CDK14: variants seen among roughly 807,000 people sequenced by gnomAD.
CDK14 encodes the protein cyclin dependent kinase 14.
CDK14 carries 34 observed loss-of-function variants against 60.7 expected under a neutral mutation model. That is an observed-to-expected ratio of 0.56 (90% CI 0.43 to 0.75). The LOEUF is 0.75. CDK14 is among the 30% of genes least tolerant of loss of function. The pLI is 0.00. For missense variants in CDK14, 482 were observed against 564.1 expected (o/e 0.85, Z 1.47); for synonymous variants, 197 against 203.7 (o/e 0.97, Z 0.28).
At chr7:91,176,573 A>C (rs1221556492) in intron 14 of CDK14, among the ~76,000 whole-genome samples, 3 of 152,106 alleles carry the variant, frequency 2.0e-5, no homozygotes, top group African/African-American at 7.2e-5. Flanking sequence ...AAGACTAATA[A>C]AGAAAAAAAG....
intron 12 of CDK14, among the ~76,000 whole-genome samples, chr7:91,109,028 T>A (rs1006840353): frequency 7.2e-5 from 11 of 152,188 alleles, no homozygotes; most frequent in African/African-American, 2.4e-4. Context: ...GTAGCTGAAA[T>A]AATTGTTAAT....
intron 2 of CDK14, among the ~76,000 whole-genome samples, chr7:90,661,395 C>A (rs1800863514): frequency 6.6e-6 from 1 of 152,200 alleles, no homozygotes; most frequent in South Asian, 2.1e-4. Context: ...ACGTGATCTA[C>A]ATAGCCACAC....
rs1377385311 is a variant in CDK14, at chr7:91,175,139, TG to T, written c.*29-32021del. Among the ~76,000 whole-genome samples, 18 of 145,872 alleles carry T rather than the reference TG, an allele frequency of 1.2e-4. No homozygotes were observed. The East Asian group carries it at 3.5e-3, about 28-fold the overall frequency. On this transcript the variant is annotated intron_variant, in intron 14 of 14. Transcript: ENST00000380050. ...AGAAACCCTACAAGCCAGAAGAGAG[TG>T]GGGGCCAATATTCAACATTCTTAAA...
chr7:90,709,598 G>A (rs1409843486), intron 2 of CDK14: 1 of 1,612,666 alleles, frequency 6.2e-7, no homozygotes, highest in Admixed American at 1.7e-5. Context: ...CTGCCTTCGT[G>A]GGAACTCCAC....
chr7:91,162,815 A>G (rs1225936310), intron 14 of CDK14, among the ~76,000 whole-genome samples: 1 of 152,242 alleles, frequency 6.6e-6, no homozygotes, highest in Admixed American at 6.5e-5. Flanking sequence ...TAAGCGATCC[A>G]TAAACTTTAA....
chr7:91,107,394 G>T (rs145026805), intron 12 of CDK14: 1 of 152,298 alleles, frequency 6.6e-6, no homozygotes, highest in African/African-American at 2.4e-5. Flanking sequence ...AATGTTAAAG[G>T]AAATTTAAAA....
At chr7:90,999,566 G>A (rs527919345) in intron 10 of CDK14, among the ~76,000 whole-genome samples, 1 of 152,260 alleles carries the variant, frequency 6.6e-6, no homozygotes, top group East Asian at 1.9e-4. Flanking sequence ...TCCAGCCTGG[G>A]TGACAGAGCG....
chr7:91,166,658 C>T (rs1037429469), intron 14 of CDK14, among the ~76,000 whole-genome samples: 13 of 152,100 alleles, frequency 8.5e-5, no homozygotes, highest in African/African-American at 1.7e-4. Flanking sequence ...TTGGCATTTT[C>T]GCTTTTTATT....
At chr7:90,782,641 C>T (rs956020375) in intron 4 of CDK14, among the ~76,000 whole-genome samples, 47 of 151,958 alleles carry the variant, frequency 3.1e-4, no homozygotes, top group African/African-American at 1.1e-3. Context: ...ATTGTTTATC[C>T]TTCACTCCAC....
At chr7:91,178,222 A>G (rs1380878825) in intron 14 of CDK14, among the ~76,000 whole-genome samples, 1 of 71,974 alleles carries the variant, frequency 1.4e-5, no homozygotes, top group African/African-American at 5.2e-5. Flanking sequence ...AGGATTCCCT[A>G]TTCAATAAAT....
intron 10 of CDK14, among the ~76,000 whole-genome samples, chr7:91,018,492 A>G (rs1796356718): frequency 6.6e-6 from 1 of 152,184 alleles, no homozygotes. Context: ...CAGAGTCTAC[A>G]CATGGTAGAA....
chr7:90,644,581 T>A (rs968625118), intron 2 of CDK14, among the ~76,000 whole-genome samples: 4 of 152,208 alleles, frequency 2.6e-5, no homozygotes, highest in African/African-American at 7.2e-5. Context: ...ACAAATATGT[T>A]TGGGAAACTC....
At chr7:90,805,810 A>G (rs1003078449) in intron 5 of CDK14, among the ~76,000 whole-genome samples, 1 of 152,138 alleles carries the variant, frequency 6.6e-6, no homozygotes, top group Non-Finnish European at 1.5e-5. Context: ...ATTACATTAT[A>G]TGAAAATGTA....
intron 11 of CDK14, among the ~76,000 whole-genome samples, chr7:91,065,196 G>A (rs183956202): frequency 4.6e-5 from 7 of 152,292 alleles, no homozygotes; most frequent in East Asian, 3.9e-4. Context: ...TTAGCCTCAC[G>A]GGTAAAGGAC....
At chr7:90,603,480 A>G (rs1799356786) in intron 1 of CDK14, among the ~76,000 whole-genome samples, 1 of 152,192 alleles carries the variant, frequency 6.6e-6, no homozygotes, top group African/African-American at 2.4e-5. Context: ...AGGCTATACC[A>G]TATAGCCTAG....
Position 90,857,408 on chromosome 7 carries a change from T to C in CDK14, c.545-5767T>C, listed in dbSNP as rs564366823. 2.6e-5 allele frequency among the ~76,000 whole-genome samples: 4 copies of C among 152,294 alleles called. No individual in the cohort carries two copies. In the South Asian group the frequency reaches 8.3e-4, roughly 32 times the overall value. The stretch of plus-strand genomic sequence containing the variant: ...ACAGCTACCTCTATGAGCAAATGTT[T>C]TTCTGTTTTTGTATAGTTTTGACAC... On this transcript the variant is annotated intron_variant, in intron 5 of 14. Transcript: ENST00000380050.
At chr7:91,024,827 T>C (rs17402878) in intron 10 of CDK14, among the ~76,000 whole-genome samples, 22,364 of 152,134 alleles carry the variant, frequency 0.15, 1,866 homozygotes, top group Middle Eastern at 0.27. Flanking sequence ...GCTAATTAGT[T>C]CAGCTAAGTC....
At chr7:91,162,675 G>A (rs1801207450) in intron 14 of CDK14, among the ~76,000 whole-genome samples, 1 of 152,164 alleles carries the variant, frequency 6.6e-6, no homozygotes, top group Non-Finnish European at 1.5e-5. Context: ...TACACTTCTG[G>A]TTCCTCATTT....
At chr7:91,087,682 G>A (rs566986467) in intron 12 of CDK14, among the ~76,000 whole-genome samples, 82 of 152,196 alleles carry the variant, frequency 5.4e-4, no homozygotes, top group African/African-American at 1.8e-3. Context: ...CAGTGAGAGC[G>A]TTTCATTCAG....
Sources: allele counts gnomAD v4.1 joint callset (sites outside exome capture counted in the v4.1 genomes callset), GRCh38; gene constraint gnomAD v4.1.1; transcripts MANE v1.5; gene names NCBI Gene and HGNC (gene_info 2026-07-23, HGNC 2026-07-21).